The following ADGRV1 variants were observed in gnomAD, a reference collection of about 807,000 sequenced individuals.
The protein encoded by ADGRV1 is adhesion G protein-coupled receptor V1.
Under a neutral mutation model 596.2 loss-of-function variants are expected in ADGRV1, and 359 were observed. The ratio of observed to expected loss-of-function variants is 0.60; its 90% confidence interval spans 0.55 to 0.66. The LOEUF (loss-of-function observed/expected upper bound fraction) is 0.66. ADGRV1 is among the 30% of genes least tolerant of loss of function. The pLI, the probability that ADGRV1 is intolerant of heterozygous loss-of-function variation, is 0.00. For missense variants in ADGRV1, 7,274 were observed against 7,575.6 expected (o/e 0.96, Z 1.48); for synonymous variants, 2,681 against 2,679.2 (o/e 1.00, Z -0.02).
intron 1 of ADGRV1, among the ~76,000 whole-genome samples, chr5:90,584,357 C>A (rs192678080): frequency 7.2e-4 from 109 of 152,272 alleles, no homozygotes; most frequent in African/African-American, 2.6e-3. Flanking sequence ...AAGCTTCAGC[C>A]CCTAAGCATT....
rs13356740 is a variant in ADGRV1, at chr5:90,810,326, G to C, written c.15066G>C (p.Met5022Ile). The C allele has an allele frequency of 6.2e-7, 1 of 1,612,016 alleles. No homozygotes were observed. The highest frequency in any genetic ancestry group is 8.5e-7 in the Non-Finnish European group (1 of 1,178,974). ...RNIIVSEDTQ[M>I]IRLHVQRLFG... ...TCATAGTGTCAGAAGATACACAGAT[G>C]ATCAGATTACATGTACAAAGACTAT... The change falls in exon 74 of 90, where the codon ATG becomes ATC. Residue 5022 changes from methionine (M) to isoleucine (I), a missense_variant. Transcript: ENST00000405460.
intron 1 of ADGRV1, among the ~76,000 whole-genome samples, chr5:90,592,485 C>T (rs1399178281): frequency 6.6e-6 from 1 of 152,328 alleles, no homozygotes; most frequent in East Asian, 1.9e-4. Context: ...TAAAAGACTA[C>T]ACGTTGGGTT....
At position 90,648,537 on chromosome 5, in the gene ADGRV1, G is replaced by T. The variant is rs143231001; in HGVS notation, c.3289+773G>T. Among the ~76,000 whole-genome samples the T allele has an allele frequency of 1.3e-3, 196 of 152,270 alleles. 1 individual carries two copies. The East Asian group carries it at 0.017, about 13-fold the overall frequency. On this transcript the variant is annotated intron_variant, in intron 17 of 89. Coordinates refer to ENST00000405460, the MANE Select transcript of ADGRV1 (RefSeq NM_032119.4). The stretch of plus-strand genomic sequence containing the variant: ...TTGCATCGGGTCACCATGATGCCCT[G>T]TCTGCCACCCCCAGTGGAATGCCAA...
intron 58 of ADGRV1, 190 bp downstream of exon 58, chr5:90,759,778 A>G (rs994412112): frequency 1.8e-6 from 1 of 557,686 alleles, no homozygotes; most frequent in African/African-American, 1.9e-5. Flanking sequence ...ATCCTGGCCA[A>G]TATGGTTGAA....
intron 45 of ADGRV1, among the ~76,000 whole-genome samples, chr5:90,724,186 A>G (rs1021708585): frequency 1.3e-5 from 2 of 152,178 alleles, no homozygotes; most frequent in Non-Finnish European, 2.9e-5. Context: ...GAAGTTGATA[A>G]AAATCATGTT....
intron 85 of ADGRV1, among the ~76,000 whole-genome samples, chr5:91,055,447 T>C (rs1267163939): frequency 6.6e-6 from 1 of 152,186 alleles, no homozygotes. Context: ...ATGCTAGGTA[T>C]ATGCTAAGCA....
intron 70 of ADGRV1, among the ~76,000 whole-genome samples, chr5:90,794,004 A>AT (rs1171049288): frequency 6.6e-6 from 1 of 152,144 alleles, no homozygotes; most frequent in Non-Finnish European, 1.5e-5. Context: ...CAAAGACAAG[A>AT]TTTTTTTCAA....
intron 1 of ADGRV1, among the ~76,000 whole-genome samples, chr5:90,562,870 T>G (rs1357457401): frequency 2.0e-5 from 3 of 152,224 alleles, no homozygotes; most frequent in Non-Finnish European, 4.4e-5. Context: ...AAAATATTTG[T>G]TTTGAAGATT....
Position 90,815,611 on chromosome 5 carries a change from T to A in ADGRV1, c.16079-8T>A. ...GAATATATTATAGCCCTCCATTCTT[T>A]TTTTCAGGGAGTGACCTTCACAATG... On this transcript the variant is annotated splice_polypyrimidine_tract_variant and splice_region_variant and intron_variant, in intron 74 of 89. Coordinates refer to ENST00000405460, the MANE Select transcript of ADGRV1 (RefSeq NM_032119.4). 1 of 1,474,166 alleles carries A rather than the reference T, an allele frequency of 6.8e-7. No individual in the cohort carries two copies. Among genetic ancestry groups the A allele is most frequent in the Non-Finnish European group, 9.3e-7 (1 of 1,073,372 alleles). 91.3% of individuals were successfully genotyped at this position (1,474,166 alleles called of 1,614,324 possible). A position where few individuals can be genotyped will look rare whatever the true frequency, so the allele number is the denominator to read the frequency against.
At chr5:90,795,261 G>A (rs559618106) in intron 70 of ADGRV1, among the ~76,000 whole-genome samples, 23 of 152,054 alleles carry the variant, frequency 1.5e-4, no homozygotes, top group Non-Finnish European at 2.2e-4. Flanking sequence ...TGAAATTCTC[G>A]CTGCCAGCAC....
chr5:90,965,377 T>C, intron 83 of ADGRV1, 38 bp from the exon 84 acceptor site: 1 of 1,219,852 alleles, frequency 8.2e-7, no homozygotes, highest in Non-Finnish European at 1.2e-6. Context: ...TCATCGATTT[T>C]AGCATATTTT....
chr5:90,861,075 A>G (rs1380559788), intron 82 of ADGRV1, among the ~76,000 whole-genome samples: 1 of 152,164 alleles, frequency 6.6e-6, no homozygotes, highest in African/African-American at 2.4e-5. Context: ...CCAGTATGAT[A>G]ATAAAAGACT....
intron 1 of ADGRV1, among the ~76,000 whole-genome samples, chr5:90,605,241 C>G (rs1266782371): frequency 6.6e-6 from 1 of 151,902 alleles, no homozygotes; most frequent in African/African-American, 2.4e-5. Flanking sequence ...ATGGTGAAAC[C>G]TCGTCTCTAA....
rs557780591 is a variant in ADGRV1, at chr5:90,721,045, C to G, written c.9734C>G (p.Thr3245Arg). ...GTGCAGTGGGAGACAGTATCTGAAACAGCCTTTGGCATGAGTATGTTTCAT... is the reference window on the plus strand; with the variant it reads ...GTGCAGTGGGAGACAGTATCTGAAAGAGCCTTTGGCATGAGTATGTTTCAT... The part of the protein sequence containing the change: ...VSVQWETVSE[T>R]AFGMRGMDVV... The change falls in exon 45 of 90, where the codon ACA (threonine) becomes AGA (arginine). Residue 3245 changes from threonine to arginine, a missense_variant. This residue lies in a region of ADGRV1 where 3,643 missense variants were observed against 3,809.2 expected (regional missense o/e 0.96). Transcript: ENST00000405460. 1 of 1,611,508 alleles carries G rather than the reference C, an allele frequency of 6.2e-7. No homozygotes were observed. The highest frequency in any genetic ancestry group is 8.5e-7 in the Non-Finnish European group (1 of 1,178,480).
intron 50 of ADGRV1, among the ~76,000 whole-genome samples, chr5:90,744,175 C>T (rs575083043): frequency 6.6e-5 from 10 of 152,088 alleles, no homozygotes; most frequent in African/African-American, 2.4e-4. Flanking sequence ...TTTGTAAAGA[C>T]AGGCTCCCAC....
In ADGRV1 at chr5:90,776,595, T is replaced by G; in HGVS notation, c.12527+19T>G. ...TTATCAGGTAAGGACTTCATGATTT[T>G]TCTTTGCCTATATGGGGGTTACGAA... On this transcript the variant is annotated intron_variant, in intron 61 of 89. Transcript: ENST00000405460. 6.2e-7 allele frequency: 1 copy of G among 1,612,932 alleles called. No individual in the cohort carries two copies. Among genetic ancestry groups the G allele is most frequent in the East Asian group, 2.2e-5 (1 of 44,856 alleles).
chr5:90,585,733 G>A (rs1400012511), intron 1 of ADGRV1, among the ~76,000 whole-genome samples: 4 of 152,182 alleles, frequency 2.6e-5, no homozygotes, highest in South Asian at 2.1e-4. Context: ...AAGCAGTCCC[G>A]CATGTTAGGA....
At chr5:90,879,230 T>A (rs1769515076) in intron 83 of ADGRV1, among the ~76,000 whole-genome samples, 1 of 152,150 alleles carries the variant, frequency 6.6e-6, no homozygotes, top group Admixed American at 6.5e-5. Flanking sequence ...TTCCAGAAAT[T>A]GTTTTGAGAT....
At chr5:91,066,012 A>G (rs1787854703) in intron 85 of ADGRV1, among the ~76,000 whole-genome samples, 1 of 152,200 alleles carries the variant, frequency 6.6e-6, no homozygotes, top group South Asian at 2.1e-4. Flanking sequence ...ACCCGAAGAG[A>G]GAGAGATTCC....
Sources: allele counts gnomAD v4.1 joint callset (sites outside exome capture counted in the v4.1 genomes callset), GRCh38; gene constraint gnomAD v4.1.1; regional missense constraint gnomAD v4.1.1; transcripts MANE v1.5; gene names NCBI Gene and HGNC (gene_info 2026-07-23, HGNC 2026-07-21).